The following GSE1 variants were observed in gnomAD, a reference collection of about 807,000 sequenced individuals.
GSE1 encodes the protein genetic suppressor element 1.
A neutral mutation model predicts 112.6 loss-of-function variants in GSE1; 32 were observed. The observed-to-expected ratio is 0.28, with a 90% CI of 0.21 to 0.38. GSE1 has a LOEUF of 0.38. GSE1 is among the 10% of genes least tolerant of loss of function. GSE1 has a pLI of 1.00. For synonymous variants in GSE1, 1,115 were observed against 735.6 expected (o/e 1.52, Z -8.35); for missense variants, 2,348 against 1,699.2 (o/e 1.38, Z -6.71).
At chr16:85,431,073 T>TC (rs199870601) in intron 2 of GSE1, among the ~76,000 whole-genome samples, 1,460 of 97,372 alleles carry the variant, frequency 0.015, 24 homozygotes, top group African/African-American at 0.038. Flanking sequence ...AGCCACTGCC[T>TC]CGGGGGGCGG....
At chr16:85,464,325 G>A (rs1002622343) in intron 2 of GSE1, among the ~76,000 whole-genome samples, 3 of 151,964 alleles carry the variant, frequency 2.0e-5, no homozygotes, top group East Asian at 1.9e-4. Context: ...GGTTTCCAGC[G>A]CTCTCCTGGG....
chr16:85,632,328 C>T (rs572405477), intron 1 of GSE1, among the ~76,000 whole-genome samples: 103 of 152,172 alleles, frequency 6.8e-4, no homozygotes, highest in Admixed American at 3.1e-3. Context: ...CCCCCGAACT[C>T]GTTCCCGCCT....
intron 2 of GSE1, among the ~76,000 whole-genome samples, chr16:85,483,726 C>G (rs565782028): frequency 1.4e-4 from 22 of 152,276 alleles, no homozygotes; most frequent in Non-Finnish European, 3.1e-4. Flanking sequence ...GCGAGGGAGC[C>G]CGTCCCCGTG....
At chr16:85,540,347 G>A (rs2044477402) in intron 2 of GSE1, among the ~76,000 whole-genome samples, 1 of 152,186 alleles carries the variant, frequency 6.6e-6, no homozygotes, top group African/African-American at 2.4e-5. Context: ...CACAGGGGCT[G>A]GTCAAGTTGC....
chr16:85,469,239 G>A (rs950144920), intron 2 of GSE1, among the ~76,000 whole-genome samples: 2 of 150,190 alleles, frequency 1.3e-5, no homozygotes, highest in African/African-American at 2.5e-5. Context: ...CTGCACAAGA[G>A]CAAAACTCCA....
At chr16:85,571,551 C>T (rs1486575769) in intron 1 of GSE1, among the ~76,000 whole-genome samples, 3 of 152,156 alleles carry the variant, frequency 2.0e-5, no homozygotes, top group Non-Finnish European at 2.9e-5. Flanking sequence ...GCGATACTGG[C>T]ACGGGCCTGG....
upstream of GSE1, among the ~76,000 whole-genome samples, chr16:85,553,499 C>T (rs1385190996): frequency 6.6e-6 from 1 of 151,706 alleles, no homozygotes; most frequent in Non-Finnish European, 1.5e-5. Flanking sequence ...TGGCGCCCTC[C>T]CCTGCGCCCG....
chr16:85,292,485 C>G (rs764661494), intron 1 of GSE1, among the ~76,000 whole-genome samples: 7 of 152,102 alleles, frequency 4.6e-5, no homozygotes, highest in East Asian at 1.9e-4. Flanking sequence ...CGTGCCACCA[C>G]GTCCAGCTAA....
chr16:85,655,973 C>G, intron 6 of GSE1, 56 bp downstream of exon 6: 4 of 1,411,382 alleles, frequency 2.8e-6, no homozygotes, highest in Non-Finnish European at 3.9e-6. Flanking sequence ...TTGATGGCAG[C>G]TGGGCAGAAA....
intron 2 of GSE1, among the ~76,000 whole-genome samples, chr16:85,360,628 G>A (rs973759777): frequency 4.6e-4 from 70 of 152,152 alleles, no homozygotes; most frequent in African/African-American, 1.7e-3. Context: ...GCTGGGCGGC[G>A]GGGCGGGTGC....
At chr16:85,279,895 C>T (rs1190718474) in intron 1 of GSE1, among the ~76,000 whole-genome samples, 12 of 152,176 alleles carry the variant, frequency 7.9e-5, no homozygotes, top group Non-Finnish European at 1.6e-4. Flanking sequence ...CAAACTCCGG[C>T]GGCGTCATTA....
chr16:85,171,486 G>A (rs903081411), exon 1 of GSE1: 2 of 985,466 alleles, frequency 2.0e-6, no homozygotes, highest in Admixed American at 6.1e-5. Context: ...ACCATGACCT[G>A]CTGGCCCAGT....
chr16:85,487,751 G>A (rs921641784), intron 2 of GSE1, among the ~76,000 whole-genome samples: 1 of 152,212 alleles, frequency 6.6e-6, no homozygotes, highest in African/African-American at 2.4e-5. Context: ...GGTGGGGGAA[G>A]GAGGTGGGTC....
intron 1 of GSE1, among the ~76,000 whole-genome samples, chr16:85,316,672 G>A (rs1343812257): frequency 6.6e-6 from 1 of 152,192 alleles, no homozygotes; most frequent in Non-Finnish European, 1.5e-5. Context: ...CCTCACTGGG[G>A]GCTGCACATC....
chr16:85,258,632 G>A (rs1391749579), intron 1 of GSE1, among the ~76,000 whole-genome samples: 4 of 152,264 alleles, frequency 2.6e-5, no homozygotes, highest in South Asian at 2.1e-4. Flanking sequence ...CCCCTTCTCC[G>A]CCTGTGGGAG....
At chr16:85,227,707 C>A (rs1395933184) in intron 1 of GSE1, among the ~76,000 whole-genome samples, 1 of 152,114 alleles carries the variant, frequency 6.6e-6, no homozygotes, top group Non-Finnish European at 1.5e-5. Flanking sequence ...AGGGGAGATT[C>A]ATTTCAGGGC....
chr16:85,663,414 G>A lies in GSE1; in HGVS notation c.2444G>A (p.Arg815Gln), dbSNP rs192743347. 246 of 1,613,910 alleles carry A rather than the reference G, an allele frequency of 1.5e-4. No individual in the cohort carries two copies. The highest frequency in any genetic ancestry group is 1.9e-4 in the Non-Finnish European group (226 of 1,180,034). ...AAGGAGGAATTGGTGGCCCAGAAGCGGAGGAAGCGGCGGAGGATGCTGCGA... is the reference window on the plus strand; with the variant it reads ...AAGGAGGAATTGGTGGCCCAGAAGCAGAGGAAGCGGCGGAGGATGCTGCGA... ...QQKEELVAQKRRKRRRMLRER... is the reference protein window; with the variant it reads ...QQKEELVAQKQRKRRRMLRER... Residue 815 changes from arginine (R) to glutamine (Q), a missense_variant, in exon 11 of 16, where the codon CGG becomes CAG. Coordinates refer to ENST00000253458, the MANE Select transcript of GSE1 (RefSeq NM_014615.5).
At chr16:85,317,674 C>T (rs189371080) in intron 1 of GSE1, among the ~76,000 whole-genome samples, 2 of 152,266 alleles carry the variant, frequency 1.3e-5, no homozygotes, top group African/African-American at 4.8e-5. Context: ...CCCGAGGCCC[C>T]TGGCAAGATT....
intron 1 of GSE1, among the ~76,000 whole-genome samples, chr16:85,209,598 G>A (rs749260085): frequency 4.1e-4 from 62 of 152,246 alleles, no homozygotes; most frequent in South Asian, 2.7e-3. Context: ...CTGCAGCACC[G>A]GCCTCCCGCG....
Sources: gnomAD v4.1 joint callset for allele counts (sites outside exome capture counted in the v4.1 genomes callset) on GRCh38, gnomAD v4.1.1 for gene constraint, MANE v1.5 for transcripts, NCBI Gene and HGNC (gene_info 2026-07-23, HGNC 2026-07-21) for gene names.